MROH2B: variants seen among roughly 807,000 people sequenced by gnomAD.
MROH2B encodes the protein maestro heat like repeat family member 2B, also known as maestro heat-like repeat-containing protein family member 2B.
A neutral mutation model predicts 208.6 loss-of-function variants in MROH2B; 177 were observed. The observed-to-expected ratio is 0.85, with a 90% CI of 0.75 to 0.96. MROH2B has a LOEUF of 0.96. MROH2B is among the 40% of genes least tolerant of loss of function. The pLI, the probability that MROH2B is intolerant of heterozygous loss-of-function variation, is 0.00. For missense variants in MROH2B, 2,002 were observed against 1,878.7 expected, an observed-to-expected ratio of 1.07 and a Z score of -1.21; for synonymous variants, 728 against 659.0, an observed-to-expected ratio of 1.10 and a Z score of -1.60.
intron 16 of MROH2B, 80 bp from the exon 17 acceptor site, chr5:41,047,844 TG>T: frequency 1.2e-5 from 14 of 1,188,434 alleles, no homozygotes; most frequent in Non-Finnish European, 1.7e-5. Flanking sequence ...AGGCCTCCAG[TG>T]ATACTGGAGT....
intron 9 of MROH2B, 75 bp downstream of exon 9, chr5:41,057,034 T>C: frequency 7.1e-7 from 1 of 1,402,722 alleles, no homozygotes; most frequent in South Asian, 1.2e-5. Context: ...TGTGACAGTT[T>C]GCCCTCCTTT....
chr5:41,041,280 G>A (rs1579940680), intron 19 of MROH2B, among the ~76,000 whole-genome samples: 2 of 152,142 alleles, frequency 1.3e-5, no homozygotes, highest in African/African-American at 4.8e-5. Context: ...TATACTGGTG[G>A]TCTTTATCAG....
intron 30 of MROH2B, among the ~76,000 whole-genome samples, chr5:41,011,399 T>C (rs965725523): frequency 6.6e-6 from 1 of 152,336 alleles, no homozygotes; most frequent in Non-Finnish European, 1.5e-5. Context: ...CTTTATGCTA[T>C]ACACACAAAT....
intron 24 of MROH2B, among the ~76,000 whole-genome samples, chr5:41,021,010 G>C (rs1742128543): frequency 6.6e-6 from 1 of 152,168 alleles, no homozygotes; most frequent in African/African-American, 2.4e-5. Flanking sequence ...AACTATCTCT[G>C]TTTAGAAATG....
At chr5:41,045,029 G>A (rs325859) in intron 18 of MROH2B, among the ~76,000 whole-genome samples, 129,742 of 152,086 alleles carry the variant, frequency 0.85, 55,543 homozygotes, top group Middle Eastern at 0.89. Context: ...TAATTTACCT[G>A]AGGCCCCACT....
intron 20 of MROH2B, 35 bp downstream of exon 20, chr5:41,039,413 A>C (rs1463183984): frequency 1.5e-6 from 2 of 1,299,930 alleles, no homozygotes; most frequent in Non-Finnish European, 2.2e-6. Flanking sequence ...CTGGCCTTGC[A>C]ATACTGAGAA....
At chr5:41,031,340 A>T (rs1742562089) in intron 24 of MROH2B, among the ~76,000 whole-genome samples, 1 of 152,050 alleles carries the variant, frequency 6.6e-6, no homozygotes, top group Admixed American at 6.6e-5. Context: ...TGAGAACAGC[A>T]TGGAGGAAAC....
chr5:41,010,537 T>C (rs1032850216), intron 30 of MROH2B, among the ~76,000 whole-genome samples: 10 of 152,090 alleles, frequency 6.6e-5, no homozygotes, highest in African/African-American at 2.4e-4. Flanking sequence ...TTTGTAGAAA[T>C]TTCAAAAGGC....
intron 24 of MROH2B, among the ~76,000 whole-genome samples, chr5:41,020,592 C>T (rs1742113485): frequency 6.6e-6 from 1 of 152,150 alleles, no homozygotes; most frequent in African/African-American, 2.4e-5. Flanking sequence ...ATAGATGCCA[C>T]TTAATAATAT....
In MROH2B at chr5:41,051,104, C is replaced by T. The variant is rs928941452; in HGVS notation, c.1231-14G>A. 1 of 1,502,996 alleles carries T rather than the reference C, an allele frequency of 6.7e-7. No homozygotes were observed. The highest frequency in any genetic ancestry group is 1.7e-4 in the Middle Eastern group (1 of 5,764). 93.1% of individuals were successfully genotyped at this position (1,502,996 alleles called of 1,614,324 possible). A position where few individuals can be genotyped will look rare whatever the true frequency, so the allele number is the denominator to read the frequency against. ...CACTGGTTTCTCCTTTAAGAAAGAT[C>T]AAACAGGTGACTTGTTAATGACTCC... On this transcript the variant is annotated splice_polypyrimidine_tract_variant and intron_variant, in intron 12 of 41. Coordinates refer to ENST00000399564, the MANE Select transcript of MROH2B (RefSeq NM_173489.5).
At chr5:41,015,542 G>C (rs965282202) in intron 28 of MROH2B, 64 bp from the exon 29 acceptor site, 1 of 1,442,740 alleles carries the variant, frequency 6.9e-7, no homozygotes, top group Non-Finnish European at 9.6e-7. Context: ...GAAGAGGCTG[G>C]CTATATTTTG....
At chr5:41,047,847 T>TC in intron 16 of MROH2B, 83 bp from the exon 17 acceptor site, 8 of 1,099,990 alleles carry the variant, frequency 7.3e-6, no homozygotes, top group Non-Finnish European at 1.1e-5. Flanking sequence ...CCTCCAGTGA[T>TC]ACTGGAGTTC....
chr5:41,044,705 G>A (rs948762386), intron 18 of MROH2B, among the ~76,000 whole-genome samples: 4 of 152,112 alleles, frequency 2.6e-5, no homozygotes, highest in East Asian at 3.8e-4. Context: ...TTAGAGAGTC[G>A]ATCAATGAGG....
chr5:41,023,263 G>A (rs542328026), intron 24 of MROH2B, among the ~76,000 whole-genome samples: 5 of 152,214 alleles, frequency 3.3e-5, no homozygotes, highest in Admixed American at 2.6e-4. Context: ...GAGGAAGTTC[G>A]AACCCATCGC....
Position 41,004,342 on chromosome 5 carries a change from T to C in MROH2B, c.4194+4A>G, listed in dbSNP as rs780496231. ...GAGGGAAGTTCCTAAACAGGCTCAC[T>C]TACATCTTCAAAGAAGGTCCTTGTT... On this transcript the variant is annotated splice_donor_region_variant and intron_variant, in intron 37 of 41. Transcript: ENST00000399564. 7.4e-6 allele frequency: 12 copies of C among 1,612,410 alleles called. No homozygotes were observed. The highest frequency in any genetic ancestry group is 6.8e-6 in the Non-Finnish European group (8 of 1,179,432).
chr5:41,006,054 G>C (rs970105438), intron 34 of MROH2B, among the ~76,000 whole-genome samples: 2 of 146,952 alleles, frequency 1.4e-5, no homozygotes, highest in Non-Finnish European at 3.0e-5. Context: ...AAAGAAAAAA[G>C]AAAAAAGAAA....
chr5:41,020,456 C>T (rs562073520), intron 24 of MROH2B, among the ~76,000 whole-genome samples: 3 of 152,308 alleles, frequency 2.0e-5, no homozygotes, highest in Non-Finnish European at 4.4e-5. Context: ...CCTCTTACCA[C>T]ATTTGGAGAA....
chr5:41,048,502 G>T, intron 15 of MROH2B, 37 bp from the exon 16 acceptor site: 1 of 1,555,656 alleles, frequency 6.4e-7, no homozygotes, highest in Non-Finnish European at 8.7e-7. Flanking sequence ...TCAATTTCAG[G>T]GGCGTTTAAA....
chr5:41,039,543 T>A lies in MROH2B; in HGVS notation c.1966A>T (p.Ile656Phe). ...TGGTTCTCGGCACAGTATCCTAAAA[T>A]AGATGTTATTCCCTAAAATCAGAAA... Reference protein sequence around the residue: ...LGDQRQGITSILGYCAENHLD... With the variant: ...LGDQRQGITSFLGYCAENHLD... The change falls in exon 20 of 42, where the codon ATT becomes TTT. Residue 656 changes from isoleucine to phenylalanine, a missense_variant. Ile to Phe is a conservative substitution (Grantham distance 21, BLOSUM62 0). Coordinates refer to ENST00000399564, the MANE Select transcript of MROH2B (RefSeq NM_173489.5). 1 of 1,587,810 alleles carries A rather than the reference T, an allele frequency of 6.3e-7. No homozygotes were observed. The highest frequency in any genetic ancestry group is 8.6e-7 in the Non-Finnish European group (1 of 1,164,548).
Sources: allele counts gnomAD v4.1 joint callset (sites outside exome capture counted in the v4.1 genomes callset), GRCh38; gene constraint gnomAD v4.1.1; transcripts MANE v1.5; gene names NCBI Gene and HGNC (gene_info 2026-07-23, HGNC 2026-07-21).